Variants in METTL15 observed in about 807,000 individuals in gnomAD.
METTL15 encodes the protein 12S rRNA N(4)-cytidine methyltransferase METTL15.
METTL15 carries 34 observed loss-of-function variants against 38.3 expected under a neutral mutation model. The ratio of observed to expected loss-of-function variants is 0.89; its 90% CI spans 0.68 to 1.18. The LOEUF is 1.18. Ranked by LOEUF, METTL15 falls within the 50% of genes most tolerant of loss-of-function variation. The probability of loss-of-function intolerance (pLI) is 0.00; values close to 1 mark genes in which losing one functional copy is unlikely to be tolerated. For synonymous variants in METTL15, 162 were observed against 170.9 expected, an observed-to-expected ratio of 0.95 and a Z score of 0.41; for missense variants, 438 against 498.4, an observed-to-expected ratio of 0.88 and a Z score of 1.15.
At chr11:28,254,323 G>A (rs1017424846) in intron 4 of METTL15, among the ~76,000 whole-genome samples, 10 of 151,822 alleles carry the variant, frequency 6.6e-5, no homozygotes, top group African/African-American at 2.2e-4. Context: ...TTTTTATATC[G>A]GATTATTAGA....
At chr11:28,272,569 G>T (rs1855686944) in intron 4 of METTL15, among the ~76,000 whole-genome samples, 1 of 152,102 alleles carries the variant, frequency 6.6e-6, no homozygotes, top group Non-Finnish European at 1.5e-5. Context: ...TGCCTGCCAG[G>T]GGGTGTGCGT....
chr11:28,132,792 C>T (rs995775581), intron 3 of METTL15, among the ~76,000 whole-genome samples: 1 of 152,108 alleles, frequency 6.6e-6, no homozygotes, highest in Non-Finnish European at 1.5e-5. Context: ...AGTTTGTGAA[C>T]ACTGAATTTC....
chr11:28,466,175 C>T (rs778733567), intron 6 of METTL15, among the ~76,000 whole-genome samples: 2 of 152,160 alleles, frequency 1.3e-5, no homozygotes, highest in Admixed American at 6.5e-5. Context: ...GACATCTACA[C>T]CTGAATCAAT....
At chr11:28,367,794 C>A (rs1243249076) in intron 5 of METTL15, among the ~76,000 whole-genome samples, 1 of 152,038 alleles carries the variant, frequency 6.6e-6, no homozygotes, top group Non-Finnish European at 1.5e-5. Flanking sequence ...TAACACCATG[C>A]ATCTACAACT....
intron 5 of METTL15, among the ~76,000 whole-genome samples, chr11:28,367,627 G>A (rs978666988): frequency 5.3e-5 from 8 of 152,108 alleles, no homozygotes; most frequent in Non-Finnish European, 8.8e-5. Flanking sequence ...CCAAAAAAGA[G>A]CCTGCATAGC....
chr11:28,124,414 AC>A (rs1196173720), intron 3 of METTL15, among the ~76,000 whole-genome samples: 2 of 152,112 alleles, frequency 1.3e-5, no homozygotes, highest in Non-Finnish European at 2.9e-5. Context: ...GAGTGCAGAC[AC>A]ATCTAATTGG....
intron 4 of METTL15, among the ~76,000 whole-genome samples, chr11:28,221,171 C>A (rs1853197819): frequency 6.6e-6 from 1 of 152,180 alleles, no homozygotes; most frequent in Admixed American, 6.5e-5. Context: ...AACTTGGTTC[C>A]ATTCTCCCCA....
At chr11:28,486,808 G>A (rs961579870) in intron 6 of METTL15, among the ~76,000 whole-genome samples, 1 of 152,304 alleles carries the variant, frequency 6.6e-6, no homozygotes, top group Non-Finnish European at 1.5e-5. Context: ...CAGCCTGGAA[G>A]AATGCATGTG....
At chr11:28,393,809 C>T (rs1850538928) in intron 5 of METTL15, among the ~76,000 whole-genome samples, 1 of 151,952 alleles carries the variant, frequency 6.6e-6, no homozygotes, top group Admixed American at 6.6e-5. Flanking sequence ...GATGTGAACA[C>T]CAGAAGATGA....
chr11:28,337,968 G>T (rs1849916643), downstream of METTL15, among the ~76,000 whole-genome samples: 1 of 151,998 alleles, frequency 6.6e-6, no homozygotes, highest in Admixed American at 6.6e-5. Context: ...ATCAGAACTG[G>T]ATTCCTCTAA....
intron 6 of METTL15, among the ~76,000 whole-genome samples, chr11:28,516,479 C>T (rs1160750638): frequency 2.0e-5 from 3 of 152,202 alleles, no homozygotes. Flanking sequence ...TGAAGATAAA[C>T]TTGCCTATCA....
chr11:28,309,098 C>T (rs1469520144), intron 6 of METTL15, among the ~76,000 whole-genome samples: 1 of 152,084 alleles, frequency 6.6e-6, no homozygotes, highest in East Asian at 1.9e-4. Flanking sequence ...TGTATGTCTG[C>T]CGAAATTTCA....
At chr11:28,142,044 G>A (rs145639433) in intron 3 of METTL15, among the ~76,000 whole-genome samples, 133 of 152,282 alleles carry the variant, frequency 8.7e-4, no homozygotes, top group African/African-American at 2.3e-3. Flanking sequence ...TCTCTCAGTC[G>A]TATTATTTGC....
intron 4 of METTL15, among the ~76,000 whole-genome samples, chr11:28,213,838 G>T (rs11030249): frequency 0.15 from 22,934 of 151,332 alleles, 1,893 homozygotes; most frequent in East Asian, 0.28. Context: ...TGTATTTTTA[G>T]TAGAGACGGG....
At chr11:28,234,983 T>G (rs1853879411) in intron 4 of METTL15, among the ~76,000 whole-genome samples, 2 of 151,490 alleles carry the variant, frequency 1.3e-5, no homozygotes, top group South Asian at 4.2e-4. Flanking sequence ...AATTTTTGTA[T>G]AAGATGTAAG....
chr11:28,491,149 C>T (rs1417806057), intron 6 of METTL15, among the ~76,000 whole-genome samples: 1 of 152,088 alleles, frequency 6.6e-6, no homozygotes, highest in Non-Finnish European at 1.5e-5. Context: ...TTAAAAGGGG[C>T]TGGGAAAGCA....
chr11:28,244,494 C>T lies in METTL15; in HGVS notation c.407+33296C>T, dbSNP rs915145200. On this transcript the variant is annotated intron_variant, in intron 4 of 6. Transcript: ENST00000407364. ...TTTTTTAATTTGTGTTTGTTGCCCC[C>T]AGTCTCTCAGGTCAATATAAATTCC... is the stretch of plus-strand genomic sequence containing the variant. Among the ~76,000 whole-genome samples the T allele has an allele frequency of 2.0e-5, 3 of 151,980 alleles. No homozygotes were observed. The South Asian group carries it at 6.2e-4, about 32-fold the overall frequency.
chr11:28,488,413 A>T (rs532915421), intron 6 of METTL15, among the ~76,000 whole-genome samples: 3 of 152,224 alleles, frequency 2.0e-5, no homozygotes, highest in Admixed American at 2.0e-4. Flanking sequence ...TTATAATAAG[A>T]GTGTTGTGCT....
rs1011677969 is a variant in METTL15 at position 28,275,232 on chromosome 11, G to C, written c.408-14974G>C. ...ATAAGCCACTAGTTCGACTAACCAA[G>C]AAAAAAAGACCCAAATAAACAAAAC... is the stretch of plus-strand genomic sequence containing the variant. On this transcript the variant is annotated intron_variant, in intron 4 of 6. Coordinates refer to ENST00000407364, the MANE Select transcript of METTL15 (RefSeq NM_001113528.2). Among the ~76,000 whole-genome samples, 13 of 150,050 alleles carry C rather than the reference G, an allele frequency of 8.7e-5. 1 individual carries two copies. The highest frequency in any genetic ancestry group is 1.8e-4 in the Non-Finnish European group (12 of 67,232).
Sources: gnomAD v4.1 joint callset for allele counts (sites outside exome capture counted in the v4.1 genomes callset) on GRCh38, gnomAD v4.1.1 for gene constraint, MANE v1.5 for transcripts, NCBI Gene and HGNC (gene_info 2026-07-23, HGNC 2026-07-21) for gene names.